TUBGCP2: variants seen among roughly 807,000 people sequenced by gnomAD.
TUBGCP2 encodes gamma-tubulin complex component 2.
A neutral mutation model predicts 92.2 loss-of-function variants in TUBGCP2; 55 were observed. That is an observed-to-expected ratio of 0.60 (90% CI 0.48 to 0.75). The LOEUF (loss-of-function observed/expected upper bound fraction) is 0.75, where lower values mean the gene tolerates loss of function less well. Among genes scored for constraint, TUBGCP2 ranks in the 30% least tolerant of loss-of-function variants. TUBGCP2 has a pLI of 0.00. For missense variants in TUBGCP2, 1,093 were observed against 1,188.9 expected, an observed-to-expected ratio of 0.92 and a Z score of 1.19; for synonymous variants, 533 against 505.2, an observed-to-expected ratio of 1.06 and a Z score of -0.74.
At position 133,285,107 on chromosome 10, in the gene TUBGCP2, G is replaced by A. The variant is rs138725290; in HGVS notation, c.2002C>T (p.His668Tyr). The stretch of plus-strand genomic sequence containing the variant: ...CACCACTGGGCGGAGTGCAGCGAGT[G>A]CTGCTTGGCGGTTTTGTTGCTGATC... The part of the protein sequence containing the change: ...VWISNKTAKQ[H>Y]SLHSAQWFAG... Residue 668 changes from histidine to tyrosine, a missense_variant, in exon 13 of 18, where the codon CAC becomes TAC. Transcript: ENST00000252936. The surrounding 1 kb of genome is among the most constrained non-coding windows in gnomAD (Gnocchi z 6.8). The A allele has an allele frequency of 1.9e-6, 3 of 1,609,690 alleles. No individual in the cohort carries two copies. The highest frequency in any genetic ancestry group is 1.7e-6 in the Non-Finnish European group (2 of 1,176,924).
intron 4 of TUBGCP2, among the ~76,000 whole-genome samples, chr10:133,298,557 G>A (rs1847545158): frequency 6.6e-6 from 1 of 152,260 alleles, no homozygotes. Flanking sequence ...TGCCGGAGAA[G>A]GGCCCCAGCG....
chr10:133,293,964 G>A (rs774817988), intron 5 of TUBGCP2, among the ~76,000 whole-genome samples, 195 bp from the exon 6 acceptor site: 3 of 152,232 alleles, frequency 2.0e-5, no homozygotes, highest in African/African-American at 4.8e-5. Context: ...GGACGGGGCC[G>A]GCCTGGGAGG....
chr10:133,302,296 C>G (rs1248158534), intron 2 of TUBGCP2: 3 of 208,344 alleles, frequency 1.4e-5, no homozygotes, highest in African/African-American at 2.3e-5. Flanking sequence ...CGGTACACAG[C>G]CCTGCACCAG....
chr10:133,288,757 C>G lies in TUBGCP2; in HGVS notation c.1541+83G>C, dbSNP rs1847198695. 3 of 1,429,550 alleles carry G rather than the reference C, an allele frequency of 2.1e-6. No individual in the cohort carries two copies. The Admixed American group carries it at 7.5e-5, about 36-fold the overall frequency. The allele number at this position is 1,429,550 out of a possible 1,614,324, so 88.6% of individuals were successfully genotyped here. A position where few individuals can be genotyped will look rare whatever the true frequency, so the allele number is the denominator to read the frequency against. ...GACAAGGCGGAGCTGCCAGAAGAAA[C>G]CCAGCGATCTCAGCCCCACGTCCCA... On this transcript the variant is annotated intron_variant, in intron 10 of 17. Coordinates refer to ENST00000252936, the MANE Select transcript of TUBGCP2 (RefSeq NM_006659.4).
At chr10:133,308,065 C>A (rs1847869869) in intron 1 of TUBGCP2, among the ~76,000 whole-genome samples, 1 of 152,340 alleles carries the variant, frequency 6.6e-6, no homozygotes, top group South Asian at 2.1e-4. Context: ...GATCTATCAG[C>A]TATGATCGCA....
In TUBGCP2 at chr10:133,302,852, G is replaced by T. The variant is rs189168678; in HGVS notation, c.90C>A (p.Asp30Glu). ...HGGDGAEVYIDLLQKNRTPYV... is the reference protein window; with the variant it reads ...HGGDGAEVYIELLQKNRTPYV... The stretch of plus-strand genomic sequence containing the variant: ...ACGGGGTCCTGTTCTTTTGAAGCAG[G>T]TCAATGTAGACCTCAGCCCCATCTC... Residue 30 changes from aspartate to glutamate, a missense_variant, in exon 2 of 18, where the codon GAC (aspartate) becomes GAA (glutamate). By Grantham distance (45) the Asp-to-Glu change is conservative. Around this residue, in one of 3 missense-constraint regions of TUBGCP2, gnomAD observed 490 missense variants for 488.5 expected, o/e 1.00. Transcript: ENST00000252936. 1.9e-6 allele frequency: 3 copies of T among 1,613,838 alleles called. No individual in the cohort carries two copies. The highest frequency in any genetic ancestry group is 1.7e-5 in the Admixed American group (1 of 60,020).
At chr10:133,282,958 A>G in intron 15 of TUBGCP2, 120 bp downstream of exon 15, 2 of 1,365,238 alleles carry the variant, frequency 1.5e-6, no homozygotes, top group Non-Finnish European at 2.0e-6. Context: ...CTCAGATCCC[A>G]GCGGCTCCTC....
At chr10:133,310,409 C>T, upstream of TUBGCP2, 19 of 1,269,362 alleles carry the variant, frequency 1.5e-5, no homozygotes, top group Non-Finnish European at 2.1e-5. Flanking sequence ...ATGGGGTGTT[C>T]ACCTGCAGGT....
chr10:133,308,211 C>T (rs930112474), intron 1 of TUBGCP2, among the ~76,000 whole-genome samples: 1 of 152,176 alleles, frequency 6.6e-6, no homozygotes, highest in African/African-American at 2.4e-5. Context: ...TTAGGTGACT[C>T]TTTACTCTGA....
At chr10:133,303,126 C>G in intron 1 of TUBGCP2, 146 bp from the exon 2 acceptor site, 1 of 717,396 alleles carries the variant, frequency 1.4e-6, no homozygotes, top group Non-Finnish European at 2.3e-6. Context: ...CCCCCAACAG[C>G]CCAGCAGCCT....
chr10:133,310,897 G>T (rs578067094), upstream of TUBGCP2, among the ~76,000 whole-genome samples: 1 of 152,016 alleles, frequency 6.6e-6, no homozygotes, highest in African/African-American at 2.4e-5. Flanking sequence ...CACTTCTCAG[G>T]CTCAAGCGAT....
intron 6 of TUBGCP2, 75 bp downstream of exon 6, chr10:133,293,487 C>CCATG: frequency 6.7e-7 from 1 of 1,485,460 alleles, no homozygotes; most frequent in Non-Finnish European, 9.1e-7. Flanking sequence ...GCAGACGTCC[C>CCATG]CATGGTCATC....
intron 4 of TUBGCP2, among the ~76,000 whole-genome samples, chr10:133,299,126 T>C (rs893758172): frequency 6.6e-6 from 1 of 152,074 alleles, no homozygotes; most frequent in African/African-American, 2.4e-5. Context: ...GGAGTCAGGA[T>C]TGGGTAGGCT....
Position 133,291,951 on chromosome 10 carries a change from G to GTCCCCCA in TUBGCP2, c.1214+547_1214+548insTGGGGGA, listed in dbSNP as rs1564939626. Among the ~76,000 whole-genome samples the GTCCCCCA allele has an allele frequency of 8.1e-4, 19 of 23,510 alleles. 2 individuals are homozygous for GTCCCCCA. Among genetic ancestry groups the GTCCCCCA allele is most frequent in the South Asian group, 2.4e-3 (1 of 418 alleles). The allele number at this position is 23,510 out of a possible 152,430, so 15.4% of individuals were successfully genotyped here. On this transcript the variant is annotated intron_variant, in intron 8 of 17. Transcript: ENST00000252936. Reference sequence around the variant, plus strand: ...CCCCCATGTCCCTCCGTGTCCCTCCGTGTCCCCGTGTCCCGGGGAGCCCTA... The same window carrying GTCCCCCA: ...CCCCCATGTCCCTCCGTGTCCCTCCGTCCCCCATGTCCCCGTGTCCCGGGGAGCCCTA...
In TUBGCP2 at chr10:133,288,114, G is replaced by A. The variant is rs200628773; in HGVS notation, c.1722+15C>T. ...GCCTCTGCCACAGGGGACAGCCCCC[G>A]GCACCCCCACCCACCTTGAGGTCGT... On this transcript the variant is annotated intron_variant, in intron 11 of 17. Transcript: ENST00000252936. 1.2e-5 allele frequency: 19 copies of A among 1,603,328 alleles called. No individual in the cohort carries two copies. Among genetic ancestry groups the A allele is most frequent in the Admixed American group, 3.4e-5 (2 of 59,240 alleles).
At chr10:133,283,258 G>A (rs369449147) in intron 14 of TUBGCP2, 37 bp from the exon 15 acceptor site, 26 of 1,612,616 alleles carry the variant, frequency 1.6e-5, no homozygotes, top group East Asian at 1.6e-4. Flanking sequence ...TCAGAAAGAC[G>A]TGGCTGACAG....
intron 3 of TUBGCP2, 40 bp downstream of exon 3, chr10:133,299,945 G>C: frequency 1.9e-6 from 3 of 1,605,860 alleles, no homozygotes; most frequent in Non-Finnish European, 2.6e-6. Flanking sequence ...CCCAACATGG[G>C]CCGTACGGGC....
rs201184021 is a variant in TUBGCP2, at chr10:133,300,092, G to A, written c.172C>T (p.Arg58Cys). The change falls in exon 3 of 18, where the codon CGT becomes TGT. Residue 58 changes from arginine (R) to cysteine (C), a missense_variant. Coordinates refer to ENST00000252936, the MANE Select transcript of TUBGCP2 (RefSeq NM_006659.4). ...TTCTTTAGAAAGTCTTCTGGAGTAC[G>A]AGAAAACTCTGCAATTTTAACCTCA... ...SAKVKIAEFS[R>C]TPEDFLKKYD... is the part of the protein sequence containing the mutation. 281 of 1,613,564 alleles carry A rather than the reference G, an allele frequency of 1.7e-4. 1 individual carries two copies. Among genetic ancestry groups the A allele is most frequent in the Middle Eastern group, 4.9e-4 (3 of 6,084 alleles).
At chr10:133,290,710 CCT>C (rs1430389045) in intron 8 of TUBGCP2, 2 of 151,950 alleles carry the variant, frequency 1.3e-5, no homozygotes, top group African/African-American at 2.4e-5. Flanking sequence ...TGCGTGGGGC[CCT>C]GACACCCAAA....
Sources: allele counts gnomAD v4.1 joint callset (sites outside exome capture counted in the v4.1 genomes callset), GRCh38; gene constraint gnomAD v4.1.1; regional missense constraint gnomAD v4.1.1; non-coding constraint Gnocchi (gnomAD v3.1); transcripts MANE v1.5; gene names NCBI Gene and HGNC (gene_info 2026-07-23, HGNC 2026-07-21).